PDE4D: variants seen among roughly 807,000 people sequenced by gnomAD.
The protein encoded by PDE4D is 3',5'-cyclic-AMP phosphodiesterase 4D.
Under a neutral mutation model 87.4 loss-of-function variants are expected in PDE4D, and 24 were observed. The observed-to-expected ratio is 0.27, with a 90% CI of 0.20 to 0.39. The LOEUF (loss-of-function observed/expected upper bound fraction) is 0.39, where lower values mean the gene tolerates loss of function less well. Among genes scored for constraint, PDE4D ranks in the 10% least tolerant of loss-of-function variants. The pLI, the probability that PDE4D is intolerant of heterozygous loss-of-function variation, is 1.00. For missense variants in PDE4D, 714 were observed against 1,041.0 expected, an observed-to-expected ratio of 0.69 and a Z score of 4.32; for synonymous variants, 384 against 383.2, an observed-to-expected ratio of 1.00 and a Z score of -0.02.
intron 1 of PDE4D, among the ~76,000 whole-genome samples, chr5:59,261,450 A>C (rs1038362086): frequency 1.3e-5 from 2 of 151,868 alleles, no homozygotes; most frequent in Non-Finnish European, 2.9e-5. Flanking sequence ...AGAAAGAAAA[A>C]GTTTATTTCT....
intron 1 of PDE4D, among the ~76,000 whole-genome samples, chr5:59,702,208 C>T (rs1752674448): frequency 6.6e-6 from 1 of 152,104 alleles, no homozygotes; most frequent in Non-Finnish European, 1.5e-5. Context: ...ACTGCAAGCT[C>T]CCCCTCCCAG....
intron 1 of PDE4D, chr5:59,586,793 C>A (rs1438704904): frequency 1.0e-6 from 1 of 985,252 alleles, no homozygotes; most frequent in East Asian, 1.1e-4. Flanking sequence ...TTCTTGATAT[C>A]CTTGTTAAAG....
intron 1 of PDE4D, among the ~76,000 whole-genome samples, chr5:59,605,609 C>G (rs142867805): frequency 5.3e-4 from 81 of 152,194 alleles, no homozygotes; most frequent in Admixed American, 7.2e-4. Flanking sequence ...AACAGGGGTT[C>G]AAACTCCTGT....
intron 1 of PDE4D, among the ~76,000 whole-genome samples, chr5:59,690,219 T>A (rs1432332519): frequency 6.6e-6 from 1 of 152,142 alleles, no homozygotes; most frequent in African/African-American, 2.4e-5. Context: ...AAAAAACTAC[T>A]TTAAAGTTTA....
chr5:59,400,948 C>A (rs258104), intron 1 of PDE4D, among the ~76,000 whole-genome samples: 63,827 of 151,882 alleles, frequency 0.42, 13,705 homozygotes, highest in East Asian at 0.49. Flanking sequence ...TGAGCATCCC[C>A]ATCCAAAAAC....
At chr5:59,947,570 C>G (rs1042770352) in intron 3 of PDE4D, among the ~76,000 whole-genome samples, 1 of 152,190 alleles carries the variant, frequency 6.6e-6, no homozygotes, top group Admixed American at 6.5e-5. Flanking sequence ...AAAACTGAAA[C>G]TTGTAGGATA....
intron 1 of PDE4D, among the ~76,000 whole-genome samples, chr5:59,652,179 C>T (rs568494440): frequency 3.3e-5 from 5 of 152,314 alleles, no homozygotes; most frequent in African/African-American, 1.2e-4. Flanking sequence ...ATATATGCCT[C>T]TTGCTACCCC....
At chr5:59,037,984 G>C (rs1357073844) in intron 6 of PDE4D, among the ~76,000 whole-genome samples, 1 of 152,132 alleles carries the variant, frequency 6.6e-6, no homozygotes, top group Non-Finnish European at 1.5e-5. Context: ...AACATTACCA[G>C]TCCTTACTGG....
intron 2 of PDE4D, among the ~76,000 whole-genome samples, chr5:60,129,198 T>C (rs891639603): frequency 6.6e-6 from 1 of 152,246 alleles, no homozygotes; most frequent in Non-Finnish European, 1.5e-5. Flanking sequence ...TATAACAACA[T>C]GCAAGTGCTC....
At chr5:59,252,413 A>C (rs1760127746) in intron 1 of PDE4D, among the ~76,000 whole-genome samples, 1 of 152,136 alleles carries the variant, frequency 6.6e-6, no homozygotes, top group Non-Finnish European at 1.5e-5. Context: ...TTATCTCTGC[A>C]AGCCTCAGCC....
At chr5:59,189,409 G>A (rs1249585121) in intron 3 of PDE4D, among the ~76,000 whole-genome samples, 1 of 151,964 alleles carries the variant, frequency 6.6e-6, no homozygotes, top group African/African-American at 2.4e-5. Flanking sequence ...TGAATGAAGT[G>A]AGGGTTTCTC....
intron 1 of PDE4D, among the ~76,000 whole-genome samples, chr5:60,285,905 T>C (rs1040803603): frequency 6.6e-6 from 1 of 152,248 alleles, no homozygotes. Context: ...CTGTTTCAAA[T>C]GCAATCACCA....
intron 2 of PDE4D, among the ~76,000 whole-genome samples, chr5:60,028,555 A>G (rs1175524601): frequency 6.6e-6 from 1 of 152,160 alleles, no homozygotes; most frequent in African/African-American, 2.4e-5. Flanking sequence ...CACTCAACTC[A>G]AAACCTTTCA....
In PDE4D at chr5:60,198,530, T is replaced by A. The variant is rs997104533; in HGVS notation, c.-89-12843A>T. 1.3e-5 allele frequency among the ~76,000 whole-genome samples: 2 copies of A among 151,634 alleles called. 1 individual carries two copies. The highest frequency in any genetic ancestry group is 3.0e-5 in the Non-Finnish European group (2 of 67,750). ...ATGTCAGGATCAAGATAAATGTAGA[T>A]ACTGAAACTCACATTTCAAGGCTAC... On this transcript the variant is annotated intron_variant, in intron 1 of 16. Coordinates refer to the PDE4D transcript ENST00000502484.
intron 1 of PDE4D, among the ~76,000 whole-genome samples, chr5:59,782,396 T>C (rs181041599): frequency 3.3e-5 from 5 of 152,336 alleles, no homozygotes; most frequent in Non-Finnish European, 4.4e-5. Flanking sequence ...ACGTAAGTGT[T>C]CAATACATGT....
rs1764752521 is a variant in PDE4D at position 59,276,121 on chromosome 5, GGAA to G, written c.456-60156_456-60154del. The G allele has an allele frequency of 2.1e-5, 10 of 467,360 alleles. No homozygotes were observed. The African/African-American group carries it at 4.2e-4, about 20-fold the overall frequency. 29.0% of individuals were successfully genotyped at this position (467,360 alleles called of 1,614,324 possible). On this transcript the variant is annotated intron_variant, in intron 1 of 14. Transcript: ENST00000340635. ...CAAAACACCGCAGGGCAGTGAGAAA[GGAA>G]AAAAAAAAAAAAAAAAAAAGAAAAG...
At chr5:60,108,541 C>T (rs529118844) in intron 2 of PDE4D, among the ~76,000 whole-genome samples, 7 of 152,240 alleles carry the variant, frequency 4.6e-5, no homozygotes, top group Non-Finnish European at 8.8e-5. Flanking sequence ...AAAAAGAGCT[C>T]GCGTTGCCAA....
chr5:60,336,558 A>G (rs1757768377), intron 1 of PDE4D, among the ~76,000 whole-genome samples: 1 of 152,236 alleles, frequency 6.6e-6, no homozygotes, highest in Admixed American at 6.5e-5. Context: ...ACTGGTTTAT[A>G]AACTGGAAAG....
chr5:59,404,519 C>G (rs1239394029), intron 1 of PDE4D, among the ~76,000 whole-genome samples: 1 of 152,056 alleles, frequency 6.6e-6, no homozygotes, highest in Non-Finnish European at 1.5e-5. Flanking sequence ...ATTAGCCCAG[C>G]ATGGTGGTGT....
Sources: gnomAD v4.1 joint callset for allele counts (sites outside exome capture counted in the v4.1 genomes callset) on GRCh38, gnomAD v4.1.1 for gene constraint, MANE v1.5 for transcripts, NCBI Gene and HGNC (gene_info 2026-07-23, HGNC 2026-07-21) for gene names.